Variants in TENM3 observed in about 807,000 individuals in gnomAD.
TENM3 encodes the protein teneurin-3.
TENM3 carries 63 observed loss-of-function variants against 255.1 expected under a neutral mutation model. The observed-to-expected ratio is 0.25, with a 90% confidence interval of 0.20 to 0.30. The LOEUF (loss-of-function observed/expected upper bound fraction) is 0.30, where lower values mean the gene tolerates loss of function less well. Among genes scored for constraint, TENM3 ranks in the 10% least tolerant of loss-of-function variants. TENM3 has a pLI of 1.00. For synonymous variants in TENM3, 1,306 were observed against 1,322.3 expected (o/e 0.99, Z 0.27); for missense variants, 2,929 against 3,461.1 (o/e 0.85, Z 3.86).
chr4:181,678,195 C>A, the TENM3 span, among the ~76,000 whole-genome samples: 1 of 152,054 alleles, frequency 6.6e-6, no homozygotes, highest in African/African-American at 2.4e-5. Context: ...AATCACTGAA[C>A]ACCACAAAAA....
chr4:182,550,963 G>A (rs759420386), intron 3 of TENM3, among the ~76,000 whole-genome samples: 2 of 152,174 alleles, frequency 1.3e-5, no homozygotes, highest in Non-Finnish European at 2.9e-5. Context: ...GCTCACGCCT[G>A]TAATCCCAGC....
the TENM3 span, among the ~76,000 whole-genome samples, chr4:181,899,349 TG>T: frequency 6.6e-6 from 1 of 152,150 alleles, no homozygotes; most frequent in African/African-American, 2.4e-5. Context: ...AATTTAATTT[TG>T]TTTTTATTTG....
At chr4:181,897,730 A>G in the TENM3 span, among the ~76,000 whole-genome samples, 7 of 152,224 alleles carry the variant, frequency 4.6e-5, no homozygotes, top group Non-Finnish European at 8.8e-5. Context: ...GACAGTTTTT[A>G]TGCTGGCCAG....
intron 1 of TENM3, among the ~76,000 whole-genome samples, chr4:182,264,008 G>A (rs1759062358): frequency 6.6e-6 from 1 of 152,190 alleles, no homozygotes; most frequent in African/African-American, 2.4e-5. Context: ...CACTAGGGCC[G>A]CTCAGGGAAA....
chr4:181,626,594 T>C, the TENM3 span, among the ~76,000 whole-genome samples: 1 of 151,932 alleles, frequency 6.6e-6, no homozygotes, highest in African/African-American at 2.4e-5. Context: ...CACGCTCTTT[T>C]AAACAACCAG....
chr4:181,580,527 C>A, the TENM3 span, among the ~76,000 whole-genome samples: 2,624 of 152,136 alleles, frequency 0.017, 75 homozygotes, highest in African/African-American at 0.059. Flanking sequence ...AATAAGATAA[C>A]CCCCATCAAC....
At chr4:181,605,484 A>AAG in the TENM3 span, among the ~76,000 whole-genome samples, 298 of 7,838 alleles carry the variant, frequency 0.038, 7 homozygotes, top group South Asian at 0.094. Flanking sequence ...GAAACAGAGA[A>AAG]AGAAAGAAAG....
Position 182,152,749 on chromosome 4 carries a change from TA to T in TENM3, c.-76+7996del, listed in dbSNP as rs768560185. 3.3e-5 allele frequency among the ~76,000 whole-genome samples: 5 copies of T among 152,040 alleles called. No homozygotes were observed. The East Asian group carries it at 9.7e-4, about 29-fold the overall frequency. On this transcript the variant is annotated intron_variant, in intron 1 of 2. Transcript: ENST00000512480. ...AGTACTTTAAAAATTTAAAGTTTTT[TA>T]TCCTGTGTTTTGGTTGTGATATAAT...
the TENM3 span, among the ~76,000 whole-genome samples, chr4:182,111,002 T>C: frequency 6.6e-6 from 1 of 152,182 alleles, no homozygotes; most frequent in African/African-American, 2.4e-5. Context: ...GTTAGCATAT[T>C]GAATGCTTCC....
At chr4:182,531,171 C>T (rs1175377429) in intron 3 of TENM3, among the ~76,000 whole-genome samples, 2 of 152,020 alleles carry the variant, frequency 1.3e-5, no homozygotes, top group Non-Finnish European at 2.9e-5. Flanking sequence ...GAAAGTGTGT[C>T]AAGGAGGAGT....
At position 182,754,622 on chromosome 4, in the gene TENM3, A is replaced by G; in HGVS notation, c.4255A>G (p.Thr1419Ala). Residue 1419 changes from threonine to alanine, a missense_variant, in exon 22 of 28, where the codon ACT (threonine) becomes GCT (alanine). Thr to Ala is a moderately conservative substitution (Grantham distance 58). Around this residue, in one of 6 missense-constraint regions of TENM3, gnomAD observed 1,608 missense variants for 1,884.4 expected, o/e 0.85. Transcript: ENST00000511685. This position sits in a 1 kb window ranked among gnomAD's most constrained non-coding sequence, Gnocchi z 5.1. Reference sequence around the variant, plus strand: ...GTCCTACAGTGGGGTCCTGTACATTACTGAAACTGATGAGAAGAAAATTAA... The same window carrying G: ...GTCCTACAGTGGGGTCCTGTACATTGCTGAAACTGATGAGAAGAAAATTAA... ...AVSYSGVLYI[T>A]ETDEKKINRI... The G allele has an allele frequency of 6.2e-7, 1 of 1,614,012 alleles. No individual in the cohort carries two copies. Among genetic ancestry groups the G allele is most frequent in the Non-Finnish European group, 8.5e-7 (1 of 1,179,882 alleles).
chr4:182,644,460 A>G (rs1358364435), intron 5 of TENM3, among the ~76,000 whole-genome samples: 1 of 152,154 alleles, frequency 6.6e-6, no homozygotes, highest in Non-Finnish European at 1.5e-5. Context: ...TGACACCAAC[A>G]TATACGGGTT....
At chr4:182,057,290 A>AGAG in the TENM3 span, among the ~76,000 whole-genome samples, 4 of 149,326 alleles carry the variant, frequency 2.7e-5, no homozygotes, top group African/African-American at 9.9e-5. Flanking sequence ...AAATTTCTCA[A>AGAG]AGAGAGAGAG....
the TENM3 span, among the ~76,000 whole-genome samples, chr4:181,882,562 A>G: frequency 6.6e-6 from 1 of 152,168 alleles, no homozygotes; most frequent in Admixed American, 6.5e-5. Flanking sequence ...AAAACAAAAG[A>G]GCTGGGTTTT....
At chr4:182,507,526 G>T (rs966971253) in intron 3 of TENM3, among the ~76,000 whole-genome samples, 5 of 152,244 alleles carry the variant, frequency 3.3e-5, no homozygotes, top group African/African-American at 7.2e-5. Flanking sequence ...ATATAAATCA[G>T]TGTGAAAGCA....
At chr4:181,851,088 C>T in the TENM3 span, among the ~76,000 whole-genome samples, 1 of 152,316 alleles carries the variant, frequency 6.6e-6, no homozygotes, top group East Asian at 1.9e-4. Flanking sequence ...AGAGATACCT[C>T]TTTTATAGAA....
the TENM3 span, among the ~76,000 whole-genome samples, chr4:181,728,731 G>A: frequency 5.9e-4 from 89 of 152,088 alleles, no homozygotes; most frequent in South Asian, 6.8e-3. Flanking sequence ...ATCTTGTGCC[G>A]ACCTCCTATC....
At chr4:182,013,777 C>T in the TENM3 span, among the ~76,000 whole-genome samples, 4 of 151,828 alleles carry the variant, frequency 2.6e-5, no homozygotes, top group Non-Finnish European at 5.9e-5. Context: ...GAATGAAGGA[C>T]ATAATCTTTC....
intron 3 of TENM3, among the ~76,000 whole-genome samples, chr4:182,465,044 T>G (rs1024018556): frequency 3.3e-5 from 5 of 152,182 alleles, no homozygotes; most frequent in African/African-American, 1.2e-4. Flanking sequence ...ATTGAGGTAC[T>G]TTTTGCAGAG....
Sources: gnomAD v4.1 joint callset for allele counts (sites outside exome capture counted in the v4.1 genomes callset) on GRCh38, gnomAD v4.1.1 for gene constraint, gnomAD v4.1.1 regional missense constraint, Gnocchi (gnomAD v3.1) non-coding constraint, MANE v1.5 for transcripts, NCBI Gene and HGNC (gene_info 2026-07-23, HGNC 2026-07-21) for gene names.